The following BTBD16 variants were observed in gnomAD, a reference collection of about 807,000 sequenced individuals.
The protein encoded by BTBD16 is BTB domain containing 16.
Under a neutral mutation model 67.4 loss-of-function variants are expected in BTBD16, and 66 were observed. The ratio of observed to expected loss-of-function variants is 0.98; its 90% CI spans 0.80 to 1.20. The LOEUF is 1.20. Ranked by LOEUF, BTBD16 falls within the 50% of genes most tolerant of loss-of-function variation. The pLI, the probability that BTBD16 is intolerant of heterozygous loss-of-function variation, is 0.00. For missense variants in BTBD16, 634 were observed against 616.0 expected, an observed-to-expected ratio of 1.03 and a Z score of -0.31; for synonymous variants, 242 against 236.4, an observed-to-expected ratio of 1.02 and a Z score of -0.22.
intron 3 of BTBD16, 89 bp downstream of exon 3, chr10:122,277,028 C>A: frequency 6.8e-7 from 1 of 1,463,572 alleles, no homozygotes; most frequent in South Asian, 1.4e-5. Context: ...TGATTGGCTG[C>A]AGTGGCTGTC....
chr10:122,277,257 A>G (rs2096342851), intron 3 of BTBD16, among the ~76,000 whole-genome samples: 1 of 149,902 alleles, frequency 6.7e-6, no homozygotes, highest in South Asian at 2.1e-4. Flanking sequence ...TTTTTTGACA[A>G]ACAAAACTTA....
At chr10:122,288,682 G>A (rs1040708821) in intron 5 of BTBD16, among the ~76,000 whole-genome samples, 1 of 152,072 alleles carries the variant, frequency 6.6e-6, no homozygotes, top group African/African-American at 2.4e-5. Context: ...AGAAGGTCGT[G>A]GTCAAATTAG....
chr10:122,337,581 C>A (rs1376417230), intron 15 of BTBD16, among the ~76,000 whole-genome samples: 2 of 152,220 alleles, frequency 1.3e-5, no homozygotes, highest in African/African-American at 4.8e-5. Flanking sequence ...TCTCCTGCCT[C>A]AGCCTCCTGA....
rs775355244 is a variant in BTBD16, at chr10:122,336,554, C to A, written c.1324C>A (p.Leu442Met). 6.2e-7 allele frequency: 1 copy of A among 1,612,442 alleles called. No homozygotes were observed. The highest frequency in any genetic ancestry group is 2.2e-5 in the East Asian group (1 of 44,804). Residue 442 changes from leucine to methionine, a missense_variant, in exon 15 of 16, where the codon CTG (leucine) becomes ATG (methionine). Coordinates refer to ENST00000260723, the MANE Select transcript of BTBD16 (RefSeq NM_144587.5). ...SAVYEHNHVS[L>M]RAARLVKYEI... The stretch of plus-strand genomic sequence containing the variant: ...GGTCTACGAGCACAACCACGTCAGC[C>A]TGCGAGCGGCACGCCTGGTGAAGTA...
chr10:122,293,750 A>G (rs1314835863), intron 7 of BTBD16, among the ~76,000 whole-genome samples: 1 of 152,156 alleles, frequency 6.6e-6, no homozygotes, highest in Non-Finnish European at 1.5e-5. Flanking sequence ...TCGACAGAGT[A>G]TTTCTGAGCA....
chr10:122,321,169 G>T (rs2096434798), intron 10 of BTBD16, among the ~76,000 whole-genome samples: 1 of 152,112 alleles, frequency 6.6e-6, no homozygotes, highest in Admixed American at 6.5e-5. Flanking sequence ...TCATGTTGCT[G>T]CAAAGAACAT....
intron 7 of BTBD16, among the ~76,000 whole-genome samples, chr10:122,295,129 G>A (rs1210113245): frequency 6.6e-6 from 1 of 152,228 alleles, no homozygotes; most frequent in African/African-American, 2.4e-5. Flanking sequence ...TTTGTATGGG[G>A]AGCGCTGCTT....
chr10:122,336,999 A>G (rs1047461900), intron 15 of BTBD16, among the ~76,000 whole-genome samples: 4 of 151,994 alleles, frequency 2.6e-5, no homozygotes, highest in Non-Finnish European at 5.9e-5. Flanking sequence ...TGTCATCACT[A>G]CCTCCACTGA....
intron 10 of BTBD16, among the ~76,000 whole-genome samples, chr10:122,326,126 T>C (rs950880530): frequency 6.6e-6 from 1 of 152,246 alleles, no homozygotes; most frequent in Non-Finnish European, 1.5e-5. Flanking sequence ...AAATTTAATA[T>C]GTTAGTTCAG....
intron 3 of BTBD16, among the ~76,000 whole-genome samples, chr10:122,282,993 G>A (rs2096356150): frequency 6.6e-6 from 1 of 152,354 alleles, no homozygotes. Context: ...AGGTCCAGGT[G>A]CAGGCTGCTG....
At chr10:122,318,611 C>T (rs758863555) in intron 10 of BTBD16, among the ~76,000 whole-genome samples, 95 of 152,142 alleles carry the variant, frequency 6.2e-4, no homozygotes, top group Non-Finnish European at 1.2e-3. Context: ...TTTGAGACAG[C>T]GTCTCACTCT....
intron 8 of BTBD16, among the ~76,000 whole-genome samples, chr10:122,298,050 G>A (rs1353497323): frequency 1.3e-5 from 2 of 151,864 alleles, no homozygotes; most frequent in Non-Finnish European, 2.9e-5. Context: ...CAAAAAAATA[G>A]AAAGACTTTA....
intron 5 of BTBD16, among the ~76,000 whole-genome samples, chr10:122,288,913 G>GCA (rs1312980401): frequency 6.6e-6 from 1 of 152,184 alleles, no homozygotes; most frequent in Non-Finnish European, 1.5e-5. Context: ...TGGGAATTGG[G>GCA]GCTGCTAGTG....
chr10:122,329,817 AT>A (rs2096452249), intron 11 of BTBD16, among the ~76,000 whole-genome samples: 2 of 152,218 alleles, frequency 1.3e-5, no homozygotes, highest in South Asian at 4.1e-4. Context: ...GGGCTTATAT[AT>A]TGTGAAGCAG....
At chr10:122,311,772 C>T (rs531927574) in intron 10 of BTBD16, among the ~76,000 whole-genome samples, 3 of 152,336 alleles carry the variant, frequency 2.0e-5, no homozygotes, top group African/African-American at 7.2e-5. Flanking sequence ...CATGGCCAGT[C>T]TCTAAAGCCC....
intron 1 of BTBD16, among the ~76,000 whole-genome samples, chr10:122,274,193 G>A (rs565568341): frequency 3.9e-5 from 6 of 152,208 alleles, no homozygotes; most frequent in African/African-American, 1.4e-4. Context: ...CCCAGTGCAC[G>A]TTCTTGTTGG....
rs768382345 is a variant in BTBD16 at position 122,276,893 on chromosome 10, A to G, written c.121A>G (p.Lys41Glu). 3.1e-6 allele frequency: 5 copies of G among 1,614,216 alleles called. No individual in the cohort carries two copies. The Middle Eastern group carries it at 6.6e-4, about 213-fold the overall frequency. The change falls in exon 3 of 16, where the codon AAG becomes GAG. Residue 41 changes from lysine (K) to glutamate (E), a missense_variant. Physicochemically the swap from Lys to Glu is moderately conservative, Grantham distance 56. Coordinates refer to ENST00000260723, the MANE Select transcript of BTBD16 (RefSeq NM_144587.5). ...CCTGCTCTCACTTTCCCAGATGTGC[A>G]AGGCTCTGAGCATAGACTTTGAGGA... is the stretch of plus-strand genomic sequence containing the variant. ...GDLLSLSQMC[K>E]ALSIDFEEAL...
chr10:122,278,034 A>G (rs2096344619), intron 3 of BTBD16, among the ~76,000 whole-genome samples: 1 of 152,176 alleles, frequency 6.6e-6, no homozygotes, highest in Non-Finnish European at 1.5e-5. Flanking sequence ...ATCTTTCTTC[A>G]GCGAGTAGCC....
chr10:122,307,798 T>G (rs1430189094), intron 10 of BTBD16, among the ~76,000 whole-genome samples: 1 of 152,208 alleles, frequency 6.6e-6, no homozygotes, highest in Non-Finnish European at 1.5e-5. Flanking sequence ...AGATGCTTCA[T>G]TTCTTTTGCA....
Sources: allele counts gnomAD v4.1 joint callset (sites outside exome capture counted in the v4.1 genomes callset), GRCh38; gene constraint gnomAD v4.1.1; transcripts MANE v1.5; gene names NCBI Gene and HGNC (gene_info 2026-07-23, HGNC 2026-07-21).